Variants in FNBP1L observed in about 807,000 individuals in gnomAD.
FNBP1L encodes the protein formin-binding protein 1-like.
Under a neutral mutation model 91.2 loss-of-function variants are expected in FNBP1L, and 36 were observed. The ratio of observed to expected loss-of-function variants is 0.39; its 90% CI spans 0.30 to 0.52. The LOEUF (loss-of-function observed/expected upper bound fraction) is 0.52. FNBP1L is among the 20% of genes least tolerant of loss of function. FNBP1L has a pLI of 0.66. For missense variants in FNBP1L, 571 were observed against 732.1 expected (o/e 0.78, Z 2.54); for synonymous variants, 242 against 237.0 (o/e 1.02, Z -0.19).
chr1:93,550,919 A>G (rs768386454), intron 15 of FNBP1L, 28 bp from the exon 16 acceptor site: 1 of 1,509,186 alleles, frequency 6.6e-7, no homozygotes. Flanking sequence ...ACAATGCTTA[A>G]ATTATGCTTG....
chr1:93,550,413 A>C (rs1261475582), intron 15 of FNBP1L, among the ~76,000 whole-genome samples: 1 of 152,152 alleles, frequency 6.6e-6, no homozygotes, highest in Non-Finnish European at 1.5e-5. Context: ...GAAAATTGTT[A>C]CTGCTAAGCA....
chr1:93,504,220 T>G (rs1367017063), intron 2 of FNBP1L, among the ~76,000 whole-genome samples: 2 of 152,242 alleles, frequency 1.3e-5, no homozygotes. Flanking sequence ...ATGCTGAACC[T>G]TTGACTACAT....
At chr1:93,530,679 GT>G in intron 6 of FNBP1L, 75 bp from the exon 7 acceptor site, 2 of 1,492,396 alleles carry the variant, frequency 1.3e-6, no homozygotes, top group South Asian at 2.6e-5. Context: ...ATAAAATCTA[GT>G]TTTAGTATAA....
At chr1:93,537,501 CTA>C (rs995870625) in intron 10 of FNBP1L, among the ~76,000 whole-genome samples, 1 of 152,066 alleles carries the variant, frequency 6.6e-6, no homozygotes, top group East Asian at 1.9e-4. Flanking sequence ...AAGATTACAT[CTA>C]TATTGCTTTA....
chr1:93,459,283 G>A (rs972618494), intron 1 of FNBP1L, among the ~76,000 whole-genome samples: 3 of 152,164 alleles, frequency 2.0e-5, no homozygotes, highest in Admixed American at 1.3e-4. Context: ...AGAACAGAAT[G>A]TATCCTCTGT....
At chr1:93,493,690 C>T (rs1670172110) in intron 1 of FNBP1L, among the ~76,000 whole-genome samples, 1 of 152,110 alleles carries the variant, frequency 6.6e-6, no homozygotes, top group African/African-American at 2.4e-5. Context: ...TAGCATGTGC[C>T]AGAATTTCCT....
At chr1:93,475,734 A>G (rs1339598069) in intron 1 of FNBP1L, among the ~76,000 whole-genome samples, 2 of 152,252 alleles carry the variant, frequency 1.3e-5, no homozygotes, top group African/African-American at 4.8e-5. Flanking sequence ...ACTGCTATTC[A>G]TAAGAAATTA....
chr1:93,547,320 A>T, intron 13 of FNBP1L, 27 bp from the exon 14 acceptor site: 1 of 1,496,798 alleles, frequency 6.7e-7, no homozygotes, highest in Non-Finnish European at 9.1e-7. Context: ...TATTGAGCTC[A>T]GTTGTTTGCT....
chr1:93,506,906 T>TA (rs1670636291), intron 2 of FNBP1L, among the ~76,000 whole-genome samples: 1 of 152,128 alleles, frequency 6.6e-6, no homozygotes, highest in African/African-American at 2.4e-5. Context: ...GTGATATATT[T>TA]AATATCACAT....
intron 2 of FNBP1L, among the ~76,000 whole-genome samples, chr1:93,515,778 G>T (rs758321288): frequency 8.0e-6 from 1 of 125,150 alleles, no homozygotes; most frequent in African/African-American, 2.9e-5. Flanking sequence ...GGTGGGGGGA[G>T]GGGGAGGTAT....
intron 2 of FNBP1L, among the ~76,000 whole-genome samples, chr1:93,509,375 T>C (rs183401112): frequency 2.7e-3 from 413 of 152,308 alleles, no homozygotes; most frequent in Non-Finnish European, 4.9e-3. Flanking sequence ...CTTCAGCCTG[T>C]ACTTACACAG....
chr1:93,483,103 C>G (rs1421212807), intron 1 of FNBP1L, among the ~76,000 whole-genome samples: 1 of 149,444 alleles, frequency 6.7e-6, no homozygotes, highest in African/African-American at 2.5e-5. Context: ...GAGAGGACCA[C>G]TTCAGCCCAG....
In FNBP1L at chr1:93,532,980, T is replaced by C. The variant is rs1202466074; in HGVS notation, c.698T>C (p.Phe233Ser). The C allele has an allele frequency of 1.2e-6, 2 of 1,613,344 alleles. No homozygotes were observed. Among genetic ancestry groups the C allele is most frequent in the Admixed American group, 3.3e-5 (2 of 59,986 alleles). The change falls in exon 8 of 17, where the codon TTT (phenylalanine) becomes TCT (serine). Residue 233 changes from phenylalanine to serine, a missense_variant. Around this residue, in one of 5 missense-constraint regions of FNBP1L, gnomAD observed 220 missense variants for 313.6 expected, o/e 0.70. Coordinates refer to ENST00000271234, the MANE Select transcript of FNBP1L (RefSeq NM_001164473.3). ...TIKLSECYRGFADSERKVIPI... is the reference protein window; with the variant it reads ...TIKLSECYRGSADSERKVIPI... ...AAACTCAGTGAGTGTTACAGAGGAT[T>C]TGCTGACTCAGAACGCAAAGTTATT...
At chr1:93,474,200 G>GC (rs932746838) in intron 1 of FNBP1L, among the ~76,000 whole-genome samples, 6 of 152,242 alleles carry the variant, frequency 3.9e-5, no homozygotes, top group Admixed American at 2.6e-4. Context: ...CTGAGATCAC[G>GC]CCACTGCACT....
intron 2 of FNBP1L, among the ~76,000 whole-genome samples, chr1:93,506,603 C>A (rs955565992): frequency 1.3e-5 from 2 of 152,066 alleles, no homozygotes; most frequent in African/African-American, 4.8e-5. Flanking sequence ...GATTTATATT[C>A]CATTTTATAA....
intron 5 of FNBP1L, 73 bp from the exon 6 acceptor site, chr1:93,529,579 C>A (rs964973692): frequency 1.1e-6 from 1 of 931,438 alleles, no homozygotes; most frequent in Non-Finnish European, 1.6e-6. Flanking sequence ...TCCTAATGCT[C>A]TCTAAAGTTA....
At chr1:93,544,958 T>TA (rs1672170749) in intron 12 of FNBP1L, among the ~76,000 whole-genome samples, 1 of 152,282 alleles carries the variant, frequency 6.6e-6, no homozygotes, top group African/African-American at 2.4e-5. Context: ...CTTAGGGAGA[T>TA]ACAGGGTTAG....
chr1:93,458,468 C>T (rs572356837), intron 1 of FNBP1L, among the ~76,000 whole-genome samples: 1 of 152,214 alleles, frequency 6.6e-6, no homozygotes, highest in South Asian at 2.1e-4. Flanking sequence ...ACACCATATA[C>T]AAAAATCAAC....
At chr1:93,542,656 T>C (rs1672085986) in intron 11 of FNBP1L, among the ~76,000 whole-genome samples, 1 of 151,954 alleles carries the variant, frequency 6.6e-6, no homozygotes, top group South Asian at 2.1e-4. Flanking sequence ...GAAATAAAGC[T>C]ATTTAGCATA....
Sources: allele counts gnomAD v4.1 joint callset (sites outside exome capture counted in the v4.1 genomes callset), GRCh38; gene constraint gnomAD v4.1.1; regional missense constraint gnomAD v4.1.1; transcripts MANE v1.5; gene names NCBI Gene and HGNC (gene_info 2026-07-23, HGNC 2026-07-21).